SPIDR: variants seen among roughly 807,000 people sequenced by gnomAD.
SPIDR encodes the protein DNA repair-scaffolding protein.
SPIDR carries 93 observed loss-of-function variants against 104.6 expected under a neutral mutation model. That is an observed-to-expected ratio of 0.89 (90% CI 0.75 to 1.06). The LOEUF (loss-of-function observed/expected upper bound fraction) is 1.06, where lower values mean the gene tolerates loss of function less well. SPIDR is among the 50% of genes least tolerant of loss of function. SPIDR has a pLI of 0.00. For missense variants in SPIDR, 1,154 were observed against 1,111.2 expected (o/e 1.04, Z -0.55); for synonymous variants, 431 against 416.9 (o/e 1.03, Z -0.41).
At chr8:47,432,940 T>C (rs1235821432) in intron 7 of SPIDR, among the ~76,000 whole-genome samples, 2 of 152,182 alleles carry the variant, frequency 1.3e-5, no homozygotes, top group African/African-American at 4.8e-5. Context: ...GGTCAGTTAG[T>C]GCCAGACTAT....
At chr8:47,673,253 G>C (rs997052848) in intron 10 of SPIDR, among the ~76,000 whole-genome samples, 3 of 152,236 alleles carry the variant, frequency 2.0e-5, no homozygotes, top group Non-Finnish European at 2.9e-5. Context: ...CATCATGGCT[G>C]TGTTGCTGCA....
rs1554618381 is a variant in SPIDR, at chr8:47,735,109, T to TGG, written c.2605-196_2605-195dup. 4.5e-4 allele frequency among the ~76,000 whole-genome samples: 54 copies of TGG among 119,044 alleles called. 1 individual carries two copies. The highest frequency in any genetic ancestry group is 1.2e-3 in the African/African-American group (28 of 24,270). 78.1% of individuals were successfully genotyped at this position (119,044 alleles called of 152,430 possible). ...ATGGGTGTGTGGGTGTGTGTGTGTG[T>TGG]GGGTGTGTGTGTGTGTGTGTGTGTG... On this transcript the variant is annotated intron_variant, in intron 19 of 19. Coordinates refer to ENST00000297423, the MANE Select transcript of SPIDR (RefSeq NM_001080394.4).
intron 5 of SPIDR, among the ~76,000 whole-genome samples, chr8:47,333,920 G>T (rs2049226884): frequency 6.6e-6 from 1 of 152,166 alleles, no homozygotes; most frequent in Non-Finnish European, 1.5e-5. Flanking sequence ...TGCGTTTAGT[G>T]CTATAAATTT....
At chr8:47,674,064 T>C in intron 11 of SPIDR, 123 bp downstream of exon 11, 1 of 1,264,140 alleles carries the variant, frequency 7.9e-7, no homozygotes, top group Non-Finnish European at 1.1e-6. Context: ...AGTTTGCCCA[T>C]AAAACAAGGC....
At chr8:47,388,738 G>A (rs1554649744) in intron 5 of SPIDR, among the ~76,000 whole-genome samples, 1 of 152,198 alleles carries the variant, frequency 6.6e-6, no homozygotes, top group African/African-American at 2.4e-5. Context: ...AGGTTGAAGG[G>A]TTTCCTTCTG....
rs1361944278 is a variant in SPIDR at position 47,348,755 on chromosome 8, G to A, written c.526-47621G>A. On this transcript the variant is annotated intron_variant, in intron 5 of 19. Transcript: ENST00000297423. Reference sequence around the variant, plus strand: ...TTCAATGAATCGGCTGCTGAAGCTTGTGCATGCGTCACGTAGTTCTCGTGC... The same window carrying A: ...TTCAATGAATCGGCTGCTGAAGCTTATGCATGCGTCACGTAGTTCTCGTGC... 6.6e-5 allele frequency among the ~76,000 whole-genome samples: 10 copies of A among 152,172 alleles called. No homozygotes were observed. The South Asian group carries it at 1.9e-3, about 28-fold the overall frequency.
Position 47,291,035 on chromosome 8 carries a change from A to G in SPIDR, c.259A>G (p.Thr87Ala). ...LELCPRPKQE[T>A]TTSKSTSGLT... is the part of the protein sequence containing the mutation. ...TGTGCTTTCTTTTCCTTCAACAGAA[A>G]CCACCACATCTAAAAGCACCAGTGG... The change falls in exon 4 of 20, where the codon ACC (threonine) becomes GCC (alanine). Residue 87 changes from threonine (T) to alanine (A), a missense_variant and splice_region_variant. Coordinates refer to ENST00000297423, the MANE Select transcript of SPIDR (RefSeq NM_001080394.4). The G allele has an allele frequency of 1.9e-6, 3 of 1,605,652 alleles. No homozygotes were observed. The highest frequency in any genetic ancestry group is 2.6e-6 in the Non-Finnish European group (3 of 1,174,674).
intron 7 of SPIDR, among the ~76,000 whole-genome samples, chr8:47,431,805 A>G (rs1330749202): frequency 6.6e-6 from 1 of 152,240 alleles, no homozygotes; most frequent in African/African-American, 2.4e-5. Context: ...ACAATTGTTT[A>G]CAGTTTAGTA....
intron 8 of SPIDR, among the ~76,000 whole-genome samples, chr8:47,494,260 C>G (rs1279090894): frequency 2.0e-5 from 3 of 151,526 alleles, no homozygotes; most frequent in Non-Finnish European, 4.4e-5. Flanking sequence ...TTAGCTGGGA[C>G]TACAAGTGTA....
chr8:47,417,877 G>A (rs2064651153), intron 7 of SPIDR, among the ~76,000 whole-genome samples: 1 of 151,178 alleles, frequency 6.6e-6, no homozygotes, highest in Admixed American at 6.6e-5. Flanking sequence ...TTATTAAATA[G>A]GGAATCCTTT....
In SPIDR at chr8:47,701,980, A is replaced by C. The variant is rs1267326965; in HGVS notation, c.1942A>C (p.Ser648Arg). The C allele has an allele frequency of 6.2e-7, 1 of 1,611,762 alleles. No individual in the cohort carries two copies. Among genetic ancestry groups the C allele is most frequent in the Non-Finnish European group, 8.5e-7 (1 of 1,178,934 alleles). Reference sequence around the variant, plus strand: ...GATGAATGATCTTGGTACCCGTTGCAGTTTCTATGCCACGGTGATTTACCA... The same window carrying C: ...GATGAATGATCTTGGTACCCGTTGCCGTTTCTATGCCACGGTGATTTACCA... ...LQMNDLGTRCSFYATVIYQKP... is the reference protein window; with the variant it reads ...LQMNDLGTRCRFYATVIYQKP... Residue 648 changes from serine to arginine, a missense_variant, in exon 14 of 20, where the codon AGT becomes CGT. Ser to Arg is a moderately radical substitution (Grantham distance 110). Transcript: ENST00000297423.
At chr8:47,710,981 T>C (rs369647520) in intron 14 of SPIDR, among the ~76,000 whole-genome samples, 2 of 151,246 alleles carry the variant, frequency 1.3e-5, no homozygotes, top group East Asian at 2.0e-4. Flanking sequence ...TCTCACTATA[T>C]TGGCCCAGCT....
intron 11 of SPIDR, among the ~76,000 whole-genome samples, chr8:47,681,426 C>G (rs1299151280): frequency 6.6e-6 from 1 of 151,944 alleles, no homozygotes; most frequent in Non-Finnish European, 1.5e-5. Flanking sequence ...CTCTACAAAA[C>G]ATTTTCTTTG....
In SPIDR at chr8:47,473,660, C is replaced by T. The variant is rs185412313; in HGVS notation, c.1097+33118C>T. Among the ~76,000 whole-genome samples, 188 of 152,276 alleles carry T rather than the reference C, an allele frequency of 1.2e-3. 2 individuals carry two copies. The highest frequency in any genetic ancestry group is 1.5e-3 in the East Asian group (8 of 5,188). On this transcript the variant is annotated intron_variant, in intron 8 of 19. Coordinates refer to ENST00000297423, the MANE Select transcript of SPIDR (RefSeq NM_001080394.4). Reference sequence around the variant, plus strand: ...AATAGGATCTGTGGTTGTATTTCTGCCTTCTTTTCTACACTATGAGCTTCT... The same window carrying T: ...AATAGGATCTGTGGTTGTATTTCTGTCTTCTTTTCTACACTATGAGCTTCT...
intron 8 of SPIDR, among the ~76,000 whole-genome samples, chr8:47,482,820 GT>G (rs1173963655): frequency 6.6e-6 from 1 of 151,982 alleles, no homozygotes; most frequent in African/African-American, 2.4e-5. Context: ...GGGCAGCTGT[GT>G]TTTGTTTTTT....
intron 6 of SPIDR, among the ~76,000 whole-genome samples, chr8:47,402,216 G>C (rs1436503356): frequency 6.6e-6 from 1 of 152,138 alleles, no homozygotes; most frequent in Non-Finnish European, 1.5e-5. Context: ...TGTGTAGAGG[G>C]AAATTTATAG....
At chr8:47,375,705 A>G (rs1171575328) in intron 5 of SPIDR, among the ~76,000 whole-genome samples, 1 of 151,996 alleles carries the variant, frequency 6.6e-6, no homozygotes, top group Non-Finnish European at 1.5e-5. Context: ...GGCTCAGGGG[A>G]TCTCCCTGAG....
intron 2 of SPIDR, among the ~76,000 whole-genome samples, chr8:47,281,874 A>C (rs982800721): frequency 5.9e-5 from 9 of 152,256 alleles, no homozygotes; most frequent in African/African-American, 2.2e-4. Flanking sequence ...AGGAGTCACT[A>C]TCTGTGGCAG....
chr8:47,469,657 G>C (rs2075397213), intron 8 of SPIDR, among the ~76,000 whole-genome samples: 1 of 152,102 alleles, frequency 6.6e-6, no homozygotes, highest in Non-Finnish European at 1.5e-5. Flanking sequence ...ACTTATAAGT[G>C]GGCACTAAAT....
Sources: allele counts gnomAD v4.1 joint callset (sites outside exome capture counted in the v4.1 genomes callset), GRCh38; gene constraint gnomAD v4.1.1; transcripts MANE v1.5; gene names NCBI Gene and HGNC (gene_info 2026-07-23, HGNC 2026-07-21).